Variants in TEX36 observed in about 807,000 individuals in gnomAD.
The protein encoded by TEX36 is testis-expressed protein 36.
In TEX36, 12 loss-of-function variants were observed where a neutral mutation model predicts 13.6. The ratio of observed to expected loss-of-function variants is 0.88; its 90% CI spans 0.56 to 1.43. The LOEUF is 1.43. Ranked by LOEUF, TEX36 falls within the 40% of genes most tolerant of loss-of-function variation. The probability of loss-of-function intolerance (pLI) is 0.00; values close to 1 mark genes in which losing one functional copy is unlikely to be tolerated. For synonymous variants in TEX36, 93 were observed against 83.0 expected, an observed-to-expected ratio of 1.12 and a Z score of -0.65; for missense variants, 224 against 228.3, an observed-to-expected ratio of 0.98 and a Z score of 0.12.
At chr10:125,641,101 G>A (rs1846685244) in intron 3 of TEX36, among the ~76,000 whole-genome samples, 1 of 152,196 alleles carries the variant, frequency 6.6e-6, no homozygotes, top group South Asian at 2.1e-4. Flanking sequence ...TTTGATTGGA[G>A]CTGCAATTGA....
At chr10:125,589,198 T>C (rs1845994316) in intron 3 of TEX36, among the ~76,000 whole-genome samples, 1 of 152,266 alleles carries the variant, frequency 6.6e-6, no homozygotes, top group Non-Finnish European at 1.5e-5. Flanking sequence ...GTTTATTGTA[T>C]AGATTTGTTA....
At chr10:125,610,258 C>T (rs1445970177) in intron 3 of TEX36, among the ~76,000 whole-genome samples, 4 of 152,222 alleles carry the variant, frequency 2.6e-5, no homozygotes, top group Non-Finnish European at 5.9e-5. Context: ...GCCACCCTTT[C>T]ATTCCTTTAC....
chr10:125,672,094 A>AT (rs60370979), intron 1 of TEX36, among the ~76,000 whole-genome samples: 2 of 151,288 alleles, frequency 1.3e-5, no homozygotes, highest in African/African-American at 2.4e-5. Context: ...AGATTCATTG[A>AT]TTTTTTTTGA....
chr10:125,585,781 A>G (rs1055724467), intron 3 of TEX36, among the ~76,000 whole-genome samples: 2 of 152,180 alleles, frequency 1.3e-5, no homozygotes, highest in African/African-American at 4.8e-5. Flanking sequence ...CAAAATCCAT[A>G]GTTTTCTCCA....
chr10:125,667,471 T>G, intron 1 of TEX36: 1 of 718,234 alleles, frequency 1.4e-6, no homozygotes, highest in Non-Finnish European at 2.6e-6. Context: ...CGGCAAGGGC[T>G]GAGGGGGTGT....
chr10:125,640,506 T>C (rs1377658667), intron 3 of TEX36, among the ~76,000 whole-genome samples: 1 of 152,218 alleles, frequency 6.6e-6, no homozygotes, highest in African/African-American at 2.4e-5. Context: ...GGGGGGATTA[T>C]TTTGGTATAG....
rs542689256 is a variant in TEX36 at position 125,656,362 on chromosome 10, T to C, written c.265-166A>G. 2.2e-5 allele frequency among the ~76,000 whole-genome samples: 3 copies of C among 138,842 alleles called. No homozygotes were observed. In the East Asian group the frequency reaches 6.9e-4, roughly 32 times the overall value. The allele number at this position is 138,842 out of a possible 152,430, so 91.1% of individuals were successfully genotyped here. A position where few individuals can be genotyped will look rare whatever the true frequency, so the allele number is the denominator to read the frequency against. ...GCCTCTGCCTCCCGGGTTCAAGCAATTCTCATGCCTTAGCCTCCTGAGTAG... is the reference window on the plus strand; with the variant it reads ...GCCTCTGCCTCCCGGGTTCAAGCAACTCTCATGCCTTAGCCTCCTGAGTAG... On this transcript the variant is annotated intron_variant, in intron 3 of 3. Coordinates refer to ENST00000368821, the MANE Select transcript of TEX36 (RefSeq NM_001128202.3).
At chr10:125,604,294 C>T (rs1047913269) in intron 3 of TEX36, among the ~76,000 whole-genome samples, 1 of 152,194 alleles carries the variant, frequency 6.6e-6, no homozygotes, top group Non-Finnish European at 1.5e-5. Context: ...TCCCTGCCCC[C>T]TGTCAGATCT....
chr10:125,620,615 T>A (rs547214146), downstream of TEX36, among the ~76,000 whole-genome samples: 2 of 152,368 alleles, frequency 1.3e-5, no homozygotes, highest in African/African-American at 2.4e-5. Flanking sequence ...CAAGTCAATT[T>A]TTTTTAATTG....
chr10:125,578,249 C>A (rs1039732858), intron 3 of TEX36: 1 of 152,208 alleles, frequency 6.6e-6, no homozygotes, highest in African/African-American at 2.4e-5. Context: ...GCTGATAATA[C>A]GTGGATCCAA....
intron 3 of TEX36, among the ~76,000 whole-genome samples, chr10:125,603,199 C>T (rs1846170934): frequency 6.6e-6 from 1 of 152,236 alleles, no homozygotes; most frequent in South Asian, 2.1e-4. Context: ...AAAAGCACCA[C>T]CCCTCTCCAT....
intron 3 of TEX36, among the ~76,000 whole-genome samples, chr10:125,633,393 C>T (rs1338325914): frequency 6.6e-6 from 1 of 152,200 alleles, no homozygotes; most frequent in African/African-American, 2.4e-5. Context: ...TTGGACACCT[C>T]CTGTAATGCT....
At chr10:125,616,123 G>A (rs1846354595) in intron 3 of TEX36, among the ~76,000 whole-genome samples, 1 of 152,160 alleles carries the variant, frequency 6.6e-6, no homozygotes, top group Non-Finnish European at 1.5e-5. Context: ...TAGGATCGGT[G>A]ATGATATCCC....
At chr10:125,610,027 T>C (rs1445717032) in intron 3 of TEX36, among the ~76,000 whole-genome samples, 1 of 152,182 alleles carries the variant, frequency 6.6e-6, no homozygotes, top group African/African-American at 2.4e-5. Context: ...TACATGAGCA[T>C]ACTAAAGGAC....
At chr10:125,611,193 T>C (rs890633392) in intron 3 of TEX36, among the ~76,000 whole-genome samples, 1 of 152,258 alleles carries the variant, frequency 6.6e-6, no homozygotes, top group Non-Finnish European at 1.5e-5. Context: ...GTTAATATCC[T>C]TCACGCAATC....
At chr10:125,599,597 C>G (rs1477034086) in intron 3 of TEX36, among the ~76,000 whole-genome samples, 2 of 152,086 alleles carry the variant, frequency 1.3e-5, no homozygotes, top group Non-Finnish European at 2.9e-5. Context: ...GGAAAGATGG[C>G]GCATATGAGC....
rs1409030065 is a variant in TEX36 at position 125,662,035 on chromosome 10, G to A, written c.52-58C>T. The A allele has an allele frequency of 3.9e-6, 6 of 1,549,794 alleles. No individual in the cohort carries two copies. The African/African-American group carries it at 5.5e-5, about 14-fold the overall frequency. ...AGACACATTTGAATCTACAAGCCAA[G>A]TATCAGGGCTTCCTTTGTACAGTGA... On this transcript the variant is annotated intron_variant, in intron 1 of 3. Transcript: ENST00000368821.
chr10:125,619,243 A>G (rs150798521), downstream of TEX36, among the ~76,000 whole-genome samples: 1 of 152,166 alleles, frequency 6.6e-6, no homozygotes, highest in Admixed American at 6.5e-5. Context: ...AGCACTGTAA[A>G]CCTATCACAG....
intron 3 of TEX36, among the ~76,000 whole-genome samples, chr10:125,626,418 C>T (rs1297345862): frequency 7.2e-5 from 11 of 152,248 alleles, no homozygotes; most frequent in Non-Finnish European, 1.2e-4. Flanking sequence ...TGCTGTGGTG[C>T]TGTGCTGTTT....
Sources: allele counts gnomAD v4.1 joint callset (sites outside exome capture counted in the v4.1 genomes callset), GRCh38; gene constraint gnomAD v4.1.1; transcripts MANE v1.5; gene names NCBI Gene and HGNC (gene_info 2026-07-23, HGNC 2026-07-21).